The following VAPB variants were observed in gnomAD, a reference collection of about 807,000 sequenced individuals.
The protein encoded by VAPB is vesicle-associated membrane protein-associated protein B/C.
A neutral mutation model predicts 25.6 loss-of-function variants in VAPB; 7 were observed. The observed-to-expected ratio is 0.27, with a 90% CI of 0.16 to 0.51. The LOEUF is 0.51. VAPB is among the 20% of genes least tolerant of loss of function. The probability of loss-of-function intolerance (pLI) is 0.97; values close to 1 mark genes in which losing one functional copy is unlikely to be tolerated. For synonymous variants in VAPB, 112 were observed against 109.2 expected, an observed-to-expected ratio of 1.03 and a Z score of -0.16; for missense variants, 266 against 301.3, an observed-to-expected ratio of 0.88 and a Z score of 0.87.
chr20:58,407,933 A>G (rs765705720), intron 1 of VAPB, among the ~76,000 whole-genome samples: 1 of 152,134 alleles, frequency 6.6e-6, no homozygotes, highest in Non-Finnish European at 1.5e-5. Flanking sequence ...TTAGTTTTCC[A>G]GGCTGTTCCT....
chr20:58,425,806 G>T (rs945420905), intron 2 of VAPB, among the ~76,000 whole-genome samples: 1 of 152,168 alleles, frequency 6.6e-6, no homozygotes, highest in Non-Finnish European at 1.5e-5. Context: ...AGCAGTCTGT[G>T]TTGTAGCAAA....
intron 1 of VAPB, among the ~76,000 whole-genome samples, chr20:58,411,255 G>A (rs530849530): frequency 2.6e-5 from 4 of 152,320 alleles, no homozygotes; most frequent in African/African-American, 7.2e-5. Context: ...ATGAACAAAT[G>A]TGTAATAGTA....
chr20:58,423,811 A>G (rs770973721), intron 2 of VAPB, among the ~76,000 whole-genome samples: 6 of 152,248 alleles, frequency 3.9e-5, no homozygotes, highest in African/African-American at 7.2e-5. Flanking sequence ...TCCATGAACC[A>G]GGCTTATTAC....
In VAPB at chr20:58,450,589, G is replaced by A. The variant is rs886056836; in HGVS notation, c.*6354G>A. 4 of 453,782 alleles carry A rather than the reference G, an allele frequency of 8.8e-6. No homozygotes were observed. Among genetic ancestry groups the A allele is most frequent in the African/African-American group, 4.0e-5 (2 of 49,914 alleles). 28.1% of individuals were successfully genotyped at this position (453,782 alleles called of 1,614,324 possible). On this transcript the variant is annotated 3_prime_UTR_variant, in exon 6 of 6. Transcript: ENST00000475243. ...AATGATCTATTTCAGTGTTCCTTTC[G>A]CCTTTCCTCTGCTTTCTGAATAAAT...
chr20:58,427,594 TCTGTG>T (rs1472466699), intron 2 of VAPB, among the ~76,000 whole-genome samples: 1 of 152,142 alleles, frequency 6.6e-6, no homozygotes, highest in Non-Finnish European at 1.5e-5. Context: ...GCAAAAGTGA[TCTGTG>T]ATCTGTTACC....
At chr20:58,411,936 C>T (rs1040581801) in intron 1 of VAPB, among the ~76,000 whole-genome samples, 3 of 152,190 alleles carry the variant, frequency 2.0e-5, no homozygotes, top group South Asian at 2.1e-4. Flanking sequence ...GCCACAGCCT[C>T]CCAAAGTGCT....
At position 58,450,758 on chromosome 20, in the gene VAPB, T is replaced by G. The variant is rs1299624946; in HGVS notation, c.*6523T>G. Reference sequence around the variant, plus strand: ...GGAACTGAGTATCTTAAGAGATGTCTTAGAATGCTTTAGTTTTCATAATTT... The same window carrying G: ...GGAACTGAGTATCTTAAGAGATGTCGTAGAATGCTTTAGTTTTCATAATTT... On this transcript the variant is annotated 3_prime_UTR_variant, in exon 6 of 6. Coordinates refer to ENST00000475243, the MANE Select transcript of VAPB (RefSeq NM_004738.5). 4.4e-6 allele frequency: 2 copies of G among 454,048 alleles called. No individual in the cohort carries two copies. The highest frequency in any genetic ancestry group is 8.8e-6 in the Non-Finnish European group (2 of 226,768). The allele number at this position is 454,048 out of a possible 1,614,324, so 28.1% of individuals were successfully genotyped here.
chr20:58,450,066 C>A lies in VAPB; in HGVS notation c.*5831C>A, dbSNP rs564760400. The A allele has an allele frequency of 2.2e-6, 1 of 454,000 alleles. No homozygotes were observed. The highest frequency in any genetic ancestry group is 4.4e-6 in the Non-Finnish European group (1 of 226,774). The allele number at this position is 454,000 out of a possible 1,614,324, so 28.1% of individuals were successfully genotyped here. On this transcript the variant is annotated 3_prime_UTR_variant, in exon 6 of 6. Transcript: ENST00000475243. ...TAAGAAGATGAGAAATGAGTGTGCA[C>A]GTTTCACACGTTGACTTGCCGGTTT...
chr20:58,420,121 G>T (rs930685854), intron 2 of VAPB, among the ~76,000 whole-genome samples: 1 of 152,078 alleles, frequency 6.6e-6, no homozygotes, highest in South Asian at 2.1e-4. Flanking sequence ...GAGTAGCTAG[G>T]ATTACAGGTG....
At position 58,389,314 on chromosome 20, in the gene VAPB, C is replaced by G; in HGVS notation, c.-146C>G. On this transcript the variant is annotated 5_prime_UTR_variant, in exon 1 of 6. Coordinates refer to ENST00000475243, the MANE Select transcript of VAPB (RefSeq NM_004738.5). ...ACCGCGTAGACCGACCCCCCCCCAGCGCGCCCACCCGGTAGAGGACCCCCG... is the reference window on the plus strand; with the variant it reads ...ACCGCGTAGACCGACCCCCCCCCAGGGCGCCCACCCGGTAGAGGACCCCCG... 3 of 589,410 alleles carry G rather than the reference C, an allele frequency of 5.1e-6. No individual in the cohort carries two copies. Among genetic ancestry groups the G allele is most frequent in the Admixed American group, 2.4e-5 (1 of 41,678 alleles). 36.5% of individuals were successfully genotyped at this position (589,410 alleles called of 1,614,324 possible). A position where few individuals can be genotyped will look rare whatever the true frequency, so the allele number is the denominator to read the frequency against.
chr20:58,403,205 T>G (rs141647900), intron 1 of VAPB, among the ~76,000 whole-genome samples: 1 of 152,232 alleles, frequency 6.6e-6, no homozygotes, highest in Non-Finnish European at 1.5e-5. Flanking sequence ...ATGTTTTTAC[T>G]TCTCCTCCTC....
At chr20:58,403,146 T>G (rs1303265755) in intron 1 of VAPB, among the ~76,000 whole-genome samples, 2 of 152,212 alleles carry the variant, frequency 1.3e-5, no homozygotes, top group African/African-American at 4.8e-5. Context: ...AGAAAATATT[T>G]GAAGATTTTC....
chr20:58,444,555 T>C lies in VAPB; in HGVS notation c.*320T>C. The C allele has an allele frequency of 2.1e-6, 1 of 484,148 alleles. No homozygotes were observed. Among genetic ancestry groups the C allele is most frequent in the Non-Finnish European group, 4.1e-6 (1 of 246,894 alleles). 30.0% of individuals were successfully genotyped at this position (484,148 alleles called of 1,614,324 possible). ...TTAAACATTGGTAGGCCTTGGTACA[T>C]GATGCTGGATTACCTCTCTTAAAAT... On this transcript the variant is annotated 3_prime_UTR_variant, in exon 6 of 6. Transcript: ENST00000475243.
At chr20:58,420,459 A>G (rs922076936) in intron 2 of VAPB, among the ~76,000 whole-genome samples, 1 of 152,222 alleles carries the variant, frequency 6.6e-6, no homozygotes, top group Admixed American at 6.5e-5. Context: ...TGGCACAGTC[A>G]TCAAGGGTCA....
At position 58,450,268 on chromosome 20, in the gene VAPB, G is replaced by C. The variant is rs1446273519; in HGVS notation, c.*6033G>C. On this transcript the variant is annotated 3_prime_UTR_variant, in exon 6 of 6. Coordinates refer to ENST00000475243, the MANE Select transcript of VAPB (RefSeq NM_004738.5). The stretch of plus-strand genomic sequence containing the variant: ...GTGAATTCAAAGGTCAGAATTTATT[G>C]TCTGTGATATTGAGACCATGTGTAC... 1.1e-5 allele frequency: 5 copies of C among 452,546 alleles called. No individual in the cohort carries two copies. Among genetic ancestry groups the C allele is most frequent in the Non-Finnish European group, 4.4e-6 (1 of 225,818 alleles). The allele number at this position is 452,546 out of a possible 1,614,324, so 28.0% of individuals were successfully genotyped here. A position where few individuals can be genotyped will look rare whatever the true frequency, so the allele number is the denominator to read the frequency against.
At chr20:58,441,979 G>A (rs1989171592) in intron 5 of VAPB, among the ~76,000 whole-genome samples, 1 of 152,158 alleles carries the variant, frequency 6.6e-6, no homozygotes, top group Non-Finnish European at 1.5e-5. Flanking sequence ...GTTGGCATTG[G>A]CAATGGAAGG....
chr20:58,436,997 T>TTTTTTC, intron 3 of VAPB, among the ~76,000 whole-genome samples: 1 of 143,844 alleles, frequency 7.0e-6, no homozygotes, highest in African/African-American at 2.6e-5. Flanking sequence ...TTGAACTTTT[T>TTTTTTC]TTTTTTTTTT....
At chr20:58,413,113 G>C (rs895090515) in intron 1 of VAPB, among the ~76,000 whole-genome samples, 1 of 136,716 alleles carries the variant, frequency 7.3e-6, no homozygotes, top group African/African-American at 2.7e-5. Flanking sequence ...TGGTATGCAA[G>C]TTTTTGCTGG....
intron 1 of VAPB, among the ~76,000 whole-genome samples, chr20:58,404,868 G>A (rs568004155): frequency 6.6e-6 from 1 of 152,210 alleles, no homozygotes; most frequent in African/African-American, 2.4e-5. Context: ...TAGCTTGAGA[G>A]CCTAGCACAG....
Sources: allele counts gnomAD v4.1 joint callset (sites outside exome capture counted in the v4.1 genomes callset), GRCh38; gene constraint gnomAD v4.1.1; transcripts MANE v1.5; gene names NCBI Gene and HGNC (gene_info 2026-07-23, HGNC 2026-07-21).